Variants in CHMP2B observed in about 807,000 individuals in gnomAD.
The protein encoded by CHMP2B is charged multivesicular body protein 2B, also known as VPS2 homolog B.
A neutral mutation model predicts 29.8 loss-of-function variants in CHMP2B; 22 were observed. That is an observed-to-expected ratio of 0.74 (90% CI 0.53 to 1.05). CHMP2B has a LOEUF of 1.05. Among genes scored for constraint, CHMP2B ranks in the 50% least tolerant of loss-of-function variants. The pLI is 0.00. For missense variants in CHMP2B, 261 were observed against 252.2 expected, an observed-to-expected ratio of 1.03 and a Z score of -0.24; for synonymous variants, 78 against 75.8, an observed-to-expected ratio of 1.03 and a Z score of -0.15.
chr3:87,239,679 T>C (rs931622668), intron 1 of CHMP2B, among the ~76,000 whole-genome samples: 2 of 152,172 alleles, frequency 1.3e-5, no homozygotes, highest in East Asian at 1.9e-4. Context: ...CTTCCTAACA[T>C]TGAGTTTTCT....
intron 1 of CHMP2B, among the ~76,000 whole-genome samples, chr3:87,229,333 G>A (rs1253232041): frequency 1.3e-5 from 2 of 152,138 alleles, no homozygotes; most frequent in African/African-American, 4.8e-5. Context: ...TTGTAAAAGA[G>A]TCTTAAGGAC....
chr3:87,249,906 C>T lies in CHMP2B; in HGVS notation c.353C>T (p.Pro118Leu). The T allele has an allele frequency of 1.2e-6, 2 of 1,605,206 alleles. No homozygotes were observed. Among genetic ancestry groups the T allele is most frequent in the Non-Finnish European group, 1.7e-6 (2 of 1,174,034 alleles). The change falls in exon 4 of 6, where the codon CCA becomes CTA. Residue 118 changes from proline to leucine, a missense_variant. By Grantham distance (98) the Pro-to-Leu change is moderately conservative. Coordinates refer to ENST00000263780, the MANE Select transcript of CHMP2B (RefSeq NM_014043.4). ...CAGGCAGTTAACAAGAAGATGGATC[C>T]ACAAAAGACATTACAAACAATGCAG... is the stretch of plus-strand genomic sequence containing the variant. ...TMQAVNKKMD[P>L]QKTLQTMQNF...
rs1706379242 is a variant in CHMP2B, at chr3:87,254,974, C to A, written c.*1152C>A. On this transcript the variant is annotated 3_prime_UTR_variant, in exon 6 of 6. Transcript: ENST00000263780. ...TTTTAAGGTGAAATTGCCTTGGTAT[C>A]TAATGAATGTGTAGACAGGGAGATA... 6.6e-6 allele frequency: 1 copy of A among 151,854 alleles called. No individual in the cohort carries two copies. Among genetic ancestry groups the A allele is most frequent in the Non-Finnish European group, 1.5e-5 (1 of 67,896 alleles). 9.4% of individuals were successfully genotyped at this position (151,854 alleles called of 1,614,324 possible).
At chr3:87,232,049 A>T (rs1208530475) in intron 1 of CHMP2B, among the ~76,000 whole-genome samples, 2 of 152,188 alleles carry the variant, frequency 1.3e-5, no homozygotes, top group Admixed American at 1.3e-4. Flanking sequence ...AAATAATATC[A>T]TTTACTAACC....
At chr3:87,250,428 G>C (rs1019838213) in intron 4 of CHMP2B, among the ~76,000 whole-genome samples, 3 of 151,994 alleles carry the variant, frequency 2.0e-5, no homozygotes, top group Non-Finnish European at 2.9e-5. Context: ...TGGAAACACA[G>C]AGAATACAGA....
At chr3:87,230,959 A>C (rs537992068) in intron 1 of CHMP2B, among the ~76,000 whole-genome samples, 14 of 151,948 alleles carry the variant, frequency 9.2e-5, no homozygotes, top group African/African-American at 2.9e-4. Context: ...TTTTCCTCAA[A>C]TTCCTCTGAC....
intron 3 of CHMP2B, among the ~76,000 whole-genome samples, chr3:87,246,874 A>G (rs567004695): frequency 6.6e-6 from 1 of 152,182 alleles, no homozygotes; most frequent in Non-Finnish European, 1.5e-5. Flanking sequence ...GTCTCTTGGA[A>G]CCTACCCACT....
intron 2 of CHMP2B, among the ~76,000 whole-genome samples, chr3:87,244,213 A>AT (rs1706172619): frequency 1.3e-5 from 2 of 151,058 alleles, no homozygotes; most frequent in Admixed American, 6.6e-5. Context: ...CGCCCAGCTA[A>AT]TTTTTGTATT....
At chr3:87,250,343 T>C (rs181974406) in intron 4 of CHMP2B, among the ~76,000 whole-genome samples, 10 of 152,046 alleles carry the variant, frequency 6.6e-5, no homozygotes, top group Non-Finnish European at 1.5e-4. Flanking sequence ...TTATTCTCAC[T>C]TTTTTTCCCT....
chr3:87,228,196 T>G (rs1204057222), intron 1 of CHMP2B, among the ~76,000 whole-genome samples: 1 of 152,232 alleles, frequency 6.6e-6, no homozygotes, highest in East Asian at 1.9e-4. Context: ...ATATATTGTC[T>G]TCATAGAAGT....
At position 87,245,738 on chromosome 3, in the gene CHMP2B, A is replaced by C. The variant is rs1195638877; in HGVS notation, c.151A>C (p.Lys51Gln). 1 of 1,613,666 alleles carries C rather than the reference A, an allele frequency of 6.2e-7. No homozygotes were observed. The highest frequency in any genetic ancestry group is 1.7e-5 in the Admixed American group (1 of 59,980). ...QLELEIKKMA[K>Q]IGNKEACKVL... ...GGAATTAGAAATTAAGAAAATGGCC[A>C]AGATTGGTAATAAGGAAGCTTGCAA... Residue 51 changes from lysine (K) to glutamine (Q), a missense_variant, in exon 3 of 6, where the codon AAG becomes CAG. By Grantham distance (53) the Lys-to-Gln change is moderately conservative. Transcript: ENST00000263780.
intron 1 of CHMP2B, among the ~76,000 whole-genome samples, chr3:87,232,026 G>T (rs540819335): frequency 7.2e-5 from 11 of 152,296 alleles, no homozygotes; most frequent in African/African-American, 2.6e-4. Flanking sequence ...CTAATTTAGA[G>T]ATTAAATATC....
At chr3:87,250,694 T>C (rs1706300631) in intron 4 of CHMP2B, among the ~76,000 whole-genome samples, 1 of 151,978 alleles carries the variant, frequency 6.6e-6, no homozygotes, top group Non-Finnish European at 1.5e-5. Context: ...CCCTAGTTTA[T>C]CAAACCATTC....
At position 87,240,815 on chromosome 3, in the gene CHMP2B, T is replaced by G. The variant is rs916154916; in HGVS notation, c.126+25T>G. ...GGTAAGTAGAACGTTAAATTTCAGTTTAACTTTTCAAACAAATTTGGAAAT... is the reference window on the plus strand; with the variant it reads ...GGTAAGTAGAACGTTAAATTTCAGTGTAACTTTTCAAACAAATTTGGAAAT... On this transcript the variant is annotated intron_variant, in intron 2 of 5. Coordinates refer to ENST00000263780, the MANE Select transcript of CHMP2B (RefSeq NM_014043.4). The G allele has an allele frequency of 1.1e-5, 18 of 1,577,836 alleles. No individual in the cohort carries two copies. In the Middle Eastern group the frequency reaches 5.0e-4, roughly 44 times the overall value.
chr3:87,231,597 G>C (rs181189899), intron 1 of CHMP2B, among the ~76,000 whole-genome samples: 1 of 152,132 alleles, frequency 6.6e-6, no homozygotes, highest in Admixed American at 6.6e-5. Context: ...AGGATCCACT[G>C]TGAGTGTTTT....
Position 87,241,006 on chromosome 3 carries a change from A to G in CHMP2B, c.126+216A>G, listed in dbSNP as rs956311381. Among the ~76,000 whole-genome samples the G allele has an allele frequency of 2.6e-5, 4 of 152,216 alleles. No homozygotes were observed. The East Asian group carries it at 7.7e-4, about 29-fold the overall frequency. On this transcript the variant is annotated intron_variant, in intron 2 of 5. Coordinates refer to ENST00000263780, the MANE Select transcript of CHMP2B (RefSeq NM_014043.4). ...GGATTCTGTGTATTCTGTTGATTAT[A>G]GAATCAAATTATTCTTCAGTTTGTG...
intron 2 of CHMP2B, among the ~76,000 whole-genome samples, chr3:87,242,577 T>C (rs988515679): frequency 3.3e-5 from 5 of 152,186 alleles, no homozygotes; most frequent in African/African-American, 1.2e-4. Context: ...TATGTTTTCT[T>C]CTAGAAATAT....
chr3:87,230,063 C>CAT (rs1385082011), intron 1 of CHMP2B, among the ~76,000 whole-genome samples: 3 of 152,080 alleles, frequency 2.0e-5, no homozygotes, highest in African/African-American at 7.2e-5. Context: ...TAAGGATATA[C>CAT]ATATATATAG....
chr3:87,247,737 A>C (rs80022762), intron 3 of CHMP2B, among the ~76,000 whole-genome samples: 4,095 of 152,316 alleles, frequency 0.027, 76 homozygotes, highest in African/African-American at 0.042. Context: ...ACAGCAGAGC[A>C]CATGAAAGTC....
Sources: allele counts gnomAD v4.1 joint callset (sites outside exome capture counted in the v4.1 genomes callset), GRCh38; gene constraint gnomAD v4.1.1; transcripts MANE v1.5; gene names NCBI Gene and HGNC (gene_info 2026-07-23, HGNC 2026-07-21).